The following RASEF variants were observed in gnomAD, a reference collection of about 807,000 sequenced individuals.
RASEF encodes RAS and EF-hand domain containing.
Under a neutral mutation model 90.1 loss-of-function variants are expected in RASEF, and 68 were observed. That is an observed-to-expected ratio of 0.75 (90% confidence interval 0.62 to 0.92). RASEF has a LOEUF of 0.92. RASEF is among the 40% of genes least tolerant of loss of function. The probability of loss-of-function intolerance (pLI) is 0.00; values close to 1 mark genes in which losing one functional copy is unlikely to be tolerated. For missense variants in RASEF, 949 were observed against 937.2 expected (o/e 1.01, Z -0.16); for synonymous variants, 331 against 345.2 (o/e 0.96, Z 0.46).
chr9:83,209,325 G>T, the RASEF span, among the ~76,000 whole-genome samples: 1 of 152,232 alleles, frequency 6.6e-6, no homozygotes, highest in Non-Finnish European at 1.5e-5. Context: ...CACTTGGCTC[G>T]TGAGAGCTTT....
chr9:83,155,791 C>T, the RASEF span, among the ~76,000 whole-genome samples: 2 of 152,170 alleles, frequency 1.3e-5, no homozygotes, highest in African/African-American at 2.4e-5. Context: ...ACATAATTTT[C>T]TCCATTTTAT....
At chr9:83,105,652 A>G in the RASEF span, among the ~76,000 whole-genome samples, 51 of 152,352 alleles carry the variant, frequency 3.3e-4, no homozygotes, top group African/African-American at 1.2e-3. Flanking sequence ...AACGCATGGT[A>G]TAATATGGGA....
In RASEF at chr9:83,007,522, T is replaced by C. The variant is rs754197257; in HGVS notation, c.960-17A>G. On this transcript the variant is annotated splice_polypyrimidine_tract_variant and intron_variant, in intron 6 of 16. Transcript: ENST00000376447. Reference sequence around the variant, plus strand: ...TCCAGATCCCTGTAAAATTGTATTTTATGTTTGAGTGAGAATTAGGTGTCA... The same window carrying C: ...TCCAGATCCCTGTAAAATTGTATTTCATGTTTGAGTGAGAATTAGGTGTCA... 3 of 1,591,632 alleles carry C rather than the reference T, an allele frequency of 1.9e-6. No individual in the cohort carries two copies. The highest frequency in any genetic ancestry group is 2.6e-6 in the Non-Finnish European group (3 of 1,159,704).
At chr9:83,073,076 T>C in the RASEF span, among the ~76,000 whole-genome samples, 1 of 152,144 alleles carries the variant, frequency 6.6e-6, no homozygotes, top group Non-Finnish European at 1.5e-5. Context: ...TTTCTCTCCA[T>C]CACGCATGTA....
intron 1 of RASEF, among the ~76,000 whole-genome samples, chr9:83,030,726 G>T (rs140469987): frequency 2.0e-5 from 3 of 152,340 alleles, no homozygotes; most frequent in Non-Finnish European, 2.9e-5. Context: ...TTGGCTGGTA[G>T]GTTGGAGTCA....
At chr9:83,172,848 A>G in the RASEF span, among the ~76,000 whole-genome samples, 2 of 152,064 alleles carry the variant, frequency 1.3e-5, no homozygotes, top group Admixed American at 1.3e-4. Flanking sequence ...GACTTTTACT[A>G]GTCACTTTTA....
chr9:83,076,563 C>A, the RASEF span, among the ~76,000 whole-genome samples: 1 of 103,078 alleles, frequency 9.7e-6, no homozygotes, highest in African/African-American at 4.2e-5. Context: ...TATGTCCTTT[C>A]AGCTCTCAAT....
At chr9:83,173,351 C>G in the RASEF span, among the ~76,000 whole-genome samples, 4 of 151,818 alleles carry the variant, frequency 2.6e-5, no homozygotes, top group African/African-American at 9.7e-5. Context: ...TCACTACATC[C>G]TCTTTATGGC....
chr9:83,153,350 T>C, the RASEF span, among the ~76,000 whole-genome samples: 1 of 152,196 alleles, frequency 6.6e-6, no homozygotes, highest in African/African-American at 2.4e-5. Flanking sequence ...AACACACTTT[T>C]TCATTTTAAT....
At chr9:83,164,592 A>T in the RASEF span, among the ~76,000 whole-genome samples, 1 of 150,646 alleles carries the variant, frequency 6.6e-6, no homozygotes, top group Non-Finnish European at 1.5e-5. Context: ...CAGGAGAAAA[A>T]ATCAAATTAG....
At chr9:83,027,704 G>A (rs564484142) in intron 1 of RASEF, among the ~76,000 whole-genome samples, 6 of 152,332 alleles carry the variant, frequency 3.9e-5, no homozygotes, top group African/African-American at 1.2e-4. Context: ...GGTGGTGTCC[G>A]TGACTCACAG....
chr9:83,088,100 C>T, the RASEF span, among the ~76,000 whole-genome samples: 1 of 151,994 alleles, frequency 6.6e-6, no homozygotes, highest in Non-Finnish European at 1.5e-5. Context: ...AGAAAACATA[C>T]TTTGTGTGAT....
At chr9:83,150,358 T>C in the RASEF span, among the ~76,000 whole-genome samples, 11 of 152,132 alleles carry the variant, frequency 7.2e-5, no homozygotes, top group East Asian at 1.9e-4. Flanking sequence ...AATCAAAGTT[T>C]GGTCTTTCTG....
intron 1 of RASEF, among the ~76,000 whole-genome samples, chr9:83,042,082 A>G (rs1191119954): frequency 6.6e-6 from 1 of 152,098 alleles, no homozygotes; most frequent in East Asian, 1.9e-4. Context: ...TTTATCCCAA[A>G]CCTTTAACAT....
intron 1 of RASEF, among the ~76,000 whole-genome samples, chr9:83,030,644 C>T (rs2118595998): frequency 6.6e-6 from 1 of 152,320 alleles, no homozygotes; most frequent in East Asian, 1.9e-4. Flanking sequence ...TGTGCCAGGA[C>T]TCCACCACGG....
chr9:83,025,997 A>G, intron 1 of RASEF, 76 bp from the exon 2 acceptor site: 6 of 1,076,814 alleles, frequency 5.6e-6, no homozygotes, highest in Non-Finnish European at 7.9e-6. Context: ...TTTAAGAAAG[A>G]GAAACATAAA....
upstream of RASEF, among the ~76,000 whole-genome samples, chr9:83,064,437 T>C (rs1297174353): frequency 2.6e-5 from 4 of 152,236 alleles, no homozygotes; most frequent in Non-Finnish European, 4.4e-5. Context: ...TTTGAGCTTA[T>C]GTGCTTTCCT....
the RASEF span, among the ~76,000 whole-genome samples, chr9:83,084,274 C>T: frequency 6.6e-6 from 1 of 152,138 alleles, no homozygotes; most frequent in Non-Finnish European, 1.5e-5. Flanking sequence ...TAGTAATCAG[C>T]ACACTTTCTT....
chr9:83,100,730 C>A, the RASEF span, among the ~76,000 whole-genome samples: 4 of 152,138 alleles, frequency 2.6e-5, no homozygotes, highest in African/African-American at 9.7e-5. Flanking sequence ...ATTCTGCCTG[C>A]AAATTGGAGA....
Sources: gnomAD v4.1 joint callset for allele counts (sites outside exome capture counted in the v4.1 genomes callset) on GRCh38, gnomAD v4.1.1 for gene constraint, MANE v1.5 for transcripts, NCBI Gene and HGNC (gene_info 2026-07-23, HGNC 2026-07-21) for gene names.